The following PSMD14 variants were observed in gnomAD, a reference collection of about 807,000 sequenced individuals.
PSMD14 encodes proteasome 26S subunit, non-ATPase 14.
PSMD14 carries 7 observed loss-of-function variants against 41.2 expected under a neutral mutation model. The observed-to-expected ratio is 0.17, with a 90% CI of 0.10 to 0.32. PSMD14 has a LOEUF of 0.32. PSMD14 is among the 10% of genes least tolerant of loss of function. The pLI is 1.00. For missense variants in PSMD14, 139 were observed against 375.6 expected, an observed-to-expected ratio of 0.37 and a Z score of 5.21; for synonymous variants, 114 against 122.3, an observed-to-expected ratio of 0.93 and a Z score of 0.45.
At chr2:161,331,716 AGAG>A (rs528265204) in intron 3 of PSMD14, among the ~76,000 whole-genome samples, 32 of 152,312 alleles carry the variant, frequency 2.1e-4, no homozygotes, top group African/African-American at 7.2e-4. Flanking sequence ...GGATCTATAA[AGAG>A]AACCCACATA....
intron 9 of PSMD14, 49 bp downstream of exon 9, chr2:161,391,227 C>G: frequency 6.9e-7 from 1 of 1,449,554 alleles, no homozygotes; most frequent in Non-Finnish European, 9.1e-7. Flanking sequence ...TTTTTCAAAC[C>G]ATTTAAACTA....
At chr2:161,344,103 G>A (rs949969494) in intron 3 of PSMD14, among the ~76,000 whole-genome samples, 1 of 139,810 alleles carries the variant, frequency 7.2e-6, no homozygotes, top group African/African-American at 2.6e-5. Context: ...TTTTACATTA[G>A]AGACTTGGTG....
chr2:161,329,255 C>T (rs1353979358), intron 3 of PSMD14, among the ~76,000 whole-genome samples: 1 of 152,108 alleles, frequency 6.6e-6, no homozygotes, highest in Non-Finnish European at 1.5e-5. Flanking sequence ...TATTTTTATT[C>T]TATATCTGCT....
intron 1 of PSMD14, among the ~76,000 whole-genome samples, chr2:161,312,738 A>G (rs1003670066): frequency 6.6e-6 from 1 of 152,234 alleles, no homozygotes; most frequent in South Asian, 2.1e-4. Context: ...GTTTAGATCC[A>G]TCGACCTTTT....
intron 2 of PSMD14, among the ~76,000 whole-genome samples, chr2:161,318,195 A>G (rs1304525486): frequency 6.6e-6 from 1 of 152,192 alleles, no homozygotes; most frequent in Non-Finnish European, 1.5e-5. Flanking sequence ...AAACAACACA[A>G]AATATCTGTG....
intron 3 of PSMD14, among the ~76,000 whole-genome samples, chr2:161,334,348 T>G (rs1682836529): frequency 6.6e-6 from 1 of 152,208 alleles, no homozygotes; most frequent in Admixed American, 6.5e-5. Context: ...ATTAAAATTT[T>G]AAAAATTATG....
chr2:161,362,458 C>G (rs1425521147), intron 3 of PSMD14, among the ~76,000 whole-genome samples: 1 of 152,132 alleles, frequency 6.6e-6, no homozygotes, highest in African/African-American at 2.4e-5. Context: ...TATATGACGA[C>G]TCTTCCATTT....
At position 161,395,104 on chromosome 2, in the gene PSMD14, T is replaced by C; in HGVS notation, c.672T>C (p.Ser224=). ...TGTTGCTAAATTTGCATAAGAAGAG[T>C]TGGATGGAAGGTTTGACACTTCAGG... ...QKMLLNLHKK[S]WMEGLTLQDY... is the part of the protein sequence containing the mutation. Residue 224 remains serine (S), a synonymous_variant, in exon 10 of 12, where the codon AGT becomes AGC. Transcript: ENST00000409682. The C allele has an allele frequency of 6.3e-7, 1 of 1,593,300 alleles. No homozygotes were observed. Among genetic ancestry groups the C allele is most frequent in the Non-Finnish European group, 8.5e-7 (1 of 1,171,610 alleles).
intron 3 of PSMD14, among the ~76,000 whole-genome samples, chr2:161,350,135 A>G (rs542723972): frequency 6.6e-6 from 1 of 152,250 alleles, no homozygotes; most frequent in Non-Finnish European, 1.5e-5. Context: ...TAAGCTAGGC[A>G]GAACAAATAA....
At chr2:161,346,393 T>A (rs778471442) in intron 3 of PSMD14, among the ~76,000 whole-genome samples, 1 of 152,036 alleles carries the variant, frequency 6.6e-6, no homozygotes, top group Non-Finnish European at 1.5e-5. Flanking sequence ...GTTTTCCATG[T>A]GTCTCCTTAA....
chr2:161,318,257 C>T (rs1452517394), intron 2 of PSMD14, among the ~76,000 whole-genome samples: 1 of 152,098 alleles, frequency 6.6e-6, no homozygotes, highest in Non-Finnish European at 1.5e-5. Context: ...TATAGTATTT[C>T]TTTTAGTATA....
At chr2:161,390,548 G>A (rs974669041) in intron 8 of PSMD14, among the ~76,000 whole-genome samples, 4 of 152,122 alleles carry the variant, frequency 2.6e-5, no homozygotes, top group African/African-American at 9.7e-5. Flanking sequence ...AAAAAATTCT[G>A]GTTGGTGAGA....
At chr2:161,397,921 C>A (rs977870472) in intron 10 of PSMD14, among the ~76,000 whole-genome samples, 3 of 152,088 alleles carry the variant, frequency 2.0e-5, no homozygotes, top group African/African-American at 7.2e-5. Context: ...AAATAGTTAA[C>A]CTTTTATAAG....
chr2:161,389,232 A>G (rs1379209975), intron 8 of PSMD14, among the ~76,000 whole-genome samples: 1 of 152,180 alleles, frequency 6.6e-6, no homozygotes, highest in Non-Finnish European at 1.5e-5. Context: ...TACTAGCTTT[A>G]TGACCACCAT....
At position 161,367,521 on chromosome 2, in the gene PSMD14, TC is replaced by T; in HGVS notation, c.93del (p.Tyr32IlefsTer8). On this transcript the variant is annotated frameshift_variant, in exon 4 of 12. Transcript: ENST00000409682. LOFTEE classifies it high-confidence loss of function. ...CCTGCAGTGGACACAGCAGAACAAG[TC>T]TATATCTCTTCCCTGGCACTGTTAA... is the stretch of plus-strand genomic sequence containing the variant. Reference protein sequence around the residue: ...DAPAVDTAEQVYISSLALLKM... With the variant: ...DAPAVDTAEQXYISSLALLKM... 6.2e-7 allele frequency: 1 copy of T among 1,602,758 alleles called. No homozygotes were observed. The highest frequency in any genetic ancestry group is 8.5e-7 in the Non-Finnish European group (1 of 1,174,090).
intron 7 of PSMD14, chr2:161,382,315 G>A (rs1166492500): frequency 6.6e-6 from 1 of 151,704 alleles, no homozygotes; most frequent in Non-Finnish European, 1.5e-5. Flanking sequence ...GTTGCGCATA[G>A]ACCAAAGGTG....
At chr2:161,390,023 C>T (rs962058531) in intron 8 of PSMD14, among the ~76,000 whole-genome samples, 2 of 149,874 alleles carry the variant, frequency 1.3e-5, no homozygotes, top group East Asian at 3.9e-4. Context: ...AGCCACTGAG[C>T]CCGACCCTGC....
At chr2:161,325,260 T>C (rs977276639) in intron 3 of PSMD14, among the ~76,000 whole-genome samples, 2 of 152,150 alleles carry the variant, frequency 1.3e-5, no homozygotes, top group African/African-American at 4.8e-5. Context: ...GAAGGCTTCC[T>C]GAATGTGGTG....
At chr2:161,333,674 C>G (rs114435389) in intron 3 of PSMD14, among the ~76,000 whole-genome samples, 1 of 152,190 alleles carries the variant, frequency 6.6e-6, no homozygotes, top group Non-Finnish European at 1.5e-5. Context: ...GCATCATTCC[C>G]AGACCCTTCA....
Sources: gnomAD v4.1 joint callset for allele counts (sites outside exome capture counted in the v4.1 genomes callset) on GRCh38, gnomAD v4.1.1 for gene constraint, MANE v1.5 for transcripts, NCBI Gene and HGNC (gene_info 2026-07-23, HGNC 2026-07-21) for gene names.